Variants in MYOM1 observed in about 807,000 individuals in gnomAD.
The protein encoded by MYOM1 is myomesin-1.
In MYOM1, 164 loss-of-function variants were observed where a neutral mutation model predicts 205.3. That is an observed-to-expected ratio of 0.80 (90% CI 0.70 to 0.91). The LOEUF (loss-of-function observed/expected upper bound fraction) is 0.91, where lower values mean the gene tolerates loss of function less well. Among genes scored for constraint, MYOM1 ranks in the 40% least tolerant of loss-of-function variants. The probability of loss-of-function intolerance (pLI) is 0.00; values close to 1 mark genes in which losing one functional copy is unlikely to be tolerated. For missense variants in MYOM1, 2,011 were observed against 2,127.3 expected (o/e 0.95, Z 1.08); for synonymous variants, 772 against 789.4 (o/e 0.98, Z 0.37).
chr18:3,176,135 C>A lies in MYOM1; in HGVS notation c.930-1G>T. On this transcript the variant is annotated splice_acceptor_variant, in intron 5 of 37. Coordinates refer to ENST00000356443, the MANE Select transcript of MYOM1 (RefSeq NM_003803.4). LOFTEE classifies it high-confidence loss of function. ...ATTTATTGGCACCTGGTTTTTATAC[C>A]TATAACAGAATGGAAACAAAATGAA... is the stretch of plus-strand genomic sequence containing the variant. The A allele has an allele frequency of 6.3e-7, 1 of 1,579,610 alleles. No homozygotes were observed. Among genetic ancestry groups the A allele is most frequent in the East Asian group, 2.2e-5 (1 of 44,686 alleles).
Position 3,135,078 on chromosome 18 carries a change from A to G in MYOM1, c.2210-254T>C. On this transcript the variant is annotated intron_variant, in intron 15 of 37. Coordinates refer to ENST00000356443, the MANE Select transcript of MYOM1 (RefSeq NM_003803.4). The surrounding 1 kb of genome is among the most constrained non-coding windows in gnomAD (Gnocchi z 4.1). ...ATTTTCCCACCTCAGCCTCCTGAGT[A>G]GCTGGAATTACCAGGCATGTGCCAC... The G allele has an allele frequency of 2.4e-6, 1 of 416,974 alleles. No individual in the cohort carries two copies. Among genetic ancestry groups the G allele is most frequent in the Non-Finnish European group, 4.4e-6 (1 of 226,578 alleles). 25.8% of individuals were successfully genotyped at this position (416,974 alleles called of 1,614,324 possible). A position where few individuals can be genotyped will look rare whatever the true frequency, so the allele number is the denominator to read the frequency against.
the MYOM1 span, among the ~76,000 whole-genome samples, chr18:3,245,019 G>A: frequency 6.6e-6 from 1 of 151,768 alleles, no homozygotes; most frequent in East Asian, 1.9e-4. Flanking sequence ...GGGAGAAGGC[G>A]ACTGACTATC....
rs2080056484 is a variant in MYOM1 at position 3,141,970 on chromosome 18, C to T, written c.1994G>A (p.Gly665Asp). The T allele has an allele frequency of 1.2e-6, 2 of 1,613,894 alleles. No individual in the cohort carries two copies. Among genetic ancestry groups the T allele is most frequent in the Non-Finnish European group, 1.7e-6 (2 of 1,179,856 alleles). ...CACAAAGTACATAATGCCCTCATGA[C>T]CACGCTGGCCAGGGGGCTTCCAGCT... Reference protein sequence around the residue: ...VLSWKPPGQRGHEGIMYFVEK... With the variant: ...VLSWKPPGQRDHEGIMYFVEK... Residue 665 changes from glycine (G) to aspartate (D), a missense_variant, in exon 14 of 38, where the codon GGT (glycine) becomes GAT (aspartate). Coordinates refer to ENST00000356443, the MANE Select transcript of MYOM1 (RefSeq NM_003803.4).
intron 5 of MYOM1, among the ~76,000 whole-genome samples, chr18:3,180,988 A>G (rs11081021): frequency 0.02 from 3,016 of 150,392 alleles, 96 homozygotes; most frequent in African/African-American, 0.07. Flanking sequence ...GAGCAGTGGC[A>G]CGATCTGTGC....
chr18:3,180,719 C>A (rs914384070), intron 5 of MYOM1, among the ~76,000 whole-genome samples: 4 of 152,040 alleles, frequency 2.6e-5, no homozygotes, highest in Non-Finnish European at 5.9e-5. Flanking sequence ...TGCTAATGAG[C>A]TTTCAGTATA....
the MYOM1 span, among the ~76,000 whole-genome samples, chr18:3,231,797 C>G: frequency 7.3e-5 from 11 of 150,078 alleles, no homozygotes; most frequent in Non-Finnish European, 1.5e-4. Context: ...CAGCCTCGGC[C>G]TCCCAAAGTG....
At chr18:3,229,154 G>A in the MYOM1 span, among the ~76,000 whole-genome samples, 1 of 152,170 alleles carries the variant, frequency 6.6e-6, no homozygotes, top group Admixed American at 6.5e-5. Context: ...CTTCTTTTGA[G>A]AGGCCTTTTT....
chr18:3,155,048 C>T lies in MYOM1; in HGVS notation c.1542G>A (p.Leu514=), dbSNP rs1567938514. Reference sequence around the variant, plus strand: ...TGTTGGCCTCCAAGCACTTCACATCCAAGGGAGCAGCTGGGGCTCCTTCAA... The same window carrying T: ...TGTTGGCCTCCAAGCACTTCACATCTAAGGGAGCAGCTGGGGCTCCTTCAA... ...AEIEGAPAAP[L]DVKCLEANKD... is the part of the protein sequence containing the mutation. The change falls in exon 11 of 38, where the codon TTG becomes TTA. Residue 514 remains leucine, a synonymous_variant. Coordinates refer to ENST00000356443, the MANE Select transcript of MYOM1 (RefSeq NM_003803.4). The T allele has an allele frequency of 6.2e-7, 1 of 1,613,280 alleles. No individual in the cohort carries two copies. Among genetic ancestry groups the T allele is most frequent in the East Asian group, 2.2e-5 (1 of 44,876 alleles).
At chr18:3,176,692 C>T (rs1032993893) in intron 5 of MYOM1, among the ~76,000 whole-genome samples, 2 of 150,960 alleles carry the variant, frequency 1.3e-5, no homozygotes, top group African/African-American at 4.9e-5. Flanking sequence ...ACCAGCCTGG[C>T]CAACGTGGTG....
At chr18:3,142,123 G>C (rs149254166) in intron 13 of MYOM1, 60 bp from the exon 14 acceptor site, 1 of 1,582,508 alleles carries the variant, frequency 6.3e-7, no homozygotes, top group African/African-American at 1.4e-5. Context: ...GATACTCAGA[G>C]AGCCAAAGAC....
intron 19 of MYOM1, among the ~76,000 whole-genome samples, chr18:3,120,358 C>T (rs536916977): frequency 1.1e-3 from 175 of 152,182 alleles, no homozygotes; most frequent in African/African-American, 4.0e-3. Context: ...GGGGTTCGGG[C>T]CCCTCCTAAA....
Position 3,067,282 on chromosome 18 carries a change from C to T in MYOM1, c.5038G>A (p.Gly1680Ser), listed in dbSNP as rs762687220. 3 of 1,606,220 alleles carry T rather than the reference C, an allele frequency of 1.9e-6. No homozygotes were observed. The highest frequency in any genetic ancestry group is 1.1e-5 in the South Asian group (1 of 89,908). The change falls in exon 38 of 38, where the codon GGT becomes AGT. Residue 1680 changes from glycine to serine, a missense_variant. Coordinates refer to ENST00000356443, the MANE Select transcript of MYOM1 (RefSeq NM_003803.4). ...TCCGGTCACTTGGCCTTCTTGCCAC[C>T]TTTCAGGGACTCCAAGGCGGCCATC... ...ARMAALESLK[G>S]GKKAK
At chr18:3,241,224 AG>A in the MYOM1 span, among the ~76,000 whole-genome samples, 1 of 152,250 alleles carries the variant, frequency 6.6e-6, no homozygotes, top group Non-Finnish European at 1.5e-5. Context: ...AAATATTTCC[AG>A]GGCATCTCAG....
the MYOM1 span, among the ~76,000 whole-genome samples, chr18:3,242,499 G>C: frequency 6.6e-6 from 1 of 152,104 alleles, no homozygotes; most frequent in Non-Finnish European, 1.5e-5. Context: ...AAATTACCCA[G>C]TCTCAGGTAT....
chr18:3,231,585 G>T, the MYOM1 span, among the ~76,000 whole-genome samples: 1 of 144,064 alleles, frequency 6.9e-6, no homozygotes, highest in African/African-American at 2.6e-5. Flanking sequence ...TGCTGCCCAG[G>T]CTGGTGTGCA....
At chr18:3,236,893 A>G in the MYOM1 span, among the ~76,000 whole-genome samples, 1 of 152,206 alleles carries the variant, frequency 6.6e-6, no homozygotes, top group Non-Finnish European at 1.5e-5. Context: ...AGGAGACTGA[A>G]GAGTAACCAC....
At chr18:3,121,801 A>G (rs1225950484) in intron 19 of MYOM1, among the ~76,000 whole-genome samples, 1 of 152,216 alleles carries the variant, frequency 6.6e-6, no homozygotes, top group Admixed American at 6.5e-5. Context: ...CGATTCAAAA[A>G]TAGTCAAAAA....
At chr18:3,097,306 AG>A (rs2079318225) in intron 25 of MYOM1, among the ~76,000 whole-genome samples, 1 of 152,240 alleles carries the variant, frequency 6.6e-6, no homozygotes, top group African/African-American at 2.4e-5. Context: ...TGATAGTGGT[AG>A]GGGAAAGAAA....
At chr18:3,110,152 G>A (rs1225943340) in intron 22 of MYOM1, among the ~76,000 whole-genome samples, 2 of 152,118 alleles carry the variant, frequency 1.3e-5, no homozygotes, top group African/African-American at 4.8e-5. Flanking sequence ...CTCATATAAA[G>A]TGTTTTACAT....
Sources: allele counts gnomAD v4.1 joint callset (sites outside exome capture counted in the v4.1 genomes callset), GRCh38; gene constraint gnomAD v4.1.1; non-coding constraint Gnocchi (gnomAD v3.1); transcripts MANE v1.5; gene names NCBI Gene and HGNC (gene_info 2026-07-23, HGNC 2026-07-21).